FCHSD2: variants seen among roughly 807,000 people sequenced by gnomAD.
The protein encoded by FCHSD2 is F-BAR and double SH3 domains protein 2.
FCHSD2 carries 38 observed loss-of-function variants against 108.1 expected under a neutral mutation model. The observed-to-expected ratio is 0.35, with a 90% CI of 0.27 to 0.46. FCHSD2 has a LOEUF of 0.46. Ranked by LOEUF, FCHSD2 falls within the 20% of genes least tolerant of loss-of-function variation. FCHSD2 has a pLI of 1.00. For missense variants in FCHSD2, 751 were observed against 897.8 expected, an observed-to-expected ratio of 0.84 and a Z score of 2.09; for synonymous variants, 279 against 314.7, an observed-to-expected ratio of 0.89 and a Z score of 1.20.
intron 8 of FCHSD2, among the ~76,000 whole-genome samples, chr11:72,981,234 C>T (rs1309616049): frequency 6.6e-6 from 1 of 152,098 alleles, no homozygotes; most frequent in Non-Finnish European, 1.5e-5. Context: ...CAGTTTAGTA[C>T]CCCACAATGT....
chr11:73,047,921 G>A (rs1047694437), intron 3 of FCHSD2, among the ~76,000 whole-genome samples: 2 of 152,196 alleles, frequency 1.3e-5, no homozygotes, highest in Non-Finnish European at 2.9e-5. Flanking sequence ...CCAATATGCA[G>A]AGGGGGAAAT....
intron 8 of FCHSD2, among the ~76,000 whole-genome samples, chr11:72,971,677 C>T (rs1857008986): frequency 6.6e-6 from 1 of 152,116 alleles, no homozygotes; most frequent in African/African-American, 2.4e-5. Flanking sequence ...TGCCAACAAC[C>T]TGAATGACCC....
intron 13 of FCHSD2, among the ~76,000 whole-genome samples, chr11:72,867,244 C>T (rs1854747948): frequency 6.6e-6 from 1 of 152,050 alleles, no homozygotes. Context: ...GCAAATCAAC[C>T]GAATTTTTCT....
rs566431974 is a variant in FCHSD2, at chr11:73,044,273, T to C, written c.166-28388A>G. On this transcript the variant is annotated intron_variant, in intron 3 of 19. Transcript: ENST00000409418. Reference sequence around the variant, plus strand: ...CTGAATTCCTCAATTAAAAAAAAACTTATGAATATTTCCAAAGTCAGAGGC... The same window carrying C: ...CTGAATTCCTCAATTAAAAAAAAACCTATGAATATTTCCAAAGTCAGAGGC... Among the ~76,000 whole-genome samples, 29 of 152,264 alleles carry C rather than the reference T, an allele frequency of 1.9e-4. No individual in the cohort carries two copies. In the South Asian group the frequency reaches 6.0e-3, roughly 32 times the overall value.
At chr11:72,901,268 G>A (rs1327840504) in intron 10 of FCHSD2, among the ~76,000 whole-genome samples, 4 of 151,938 alleles carry the variant, frequency 2.6e-5, no homozygotes, top group Admixed American at 6.6e-5. Context: ...ACAGTGGTGC[G>A]TGCCTGTGGC....
chr11:72,921,695 G>A, intron 9 of FCHSD2, 133 bp downstream of exon 9: 1 of 678,060 alleles, frequency 1.5e-6, no homozygotes, highest in Non-Finnish European at 2.5e-6. Context: ...TTGTTAGAAG[G>A]AATGCTGTTA....
At position 73,108,923 on chromosome 11, in the gene FCHSD2, C is replaced by T. The variant is rs1348168322; in HGVS notation, c.120-25183G>A. On this transcript the variant is annotated intron_variant, in intron 2 of 19. Coordinates refer to ENST00000409418, the MANE Select transcript of FCHSD2 (RefSeq NM_014824.3). ...TTTGGTTTTTATATATGGCAAGAGA[C>T]ATGGGTCTGGTTTCATTCTTCTGCA... Among the ~76,000 whole-genome samples, 3 of 152,210 alleles carry T rather than the reference C, an allele frequency of 2.0e-5. No individual in the cohort carries two copies. The East Asian group carries it at 5.8e-4, about 29-fold the overall frequency.
chr11:72,887,991 G>T (rs1855234234), intron 11 of FCHSD2, among the ~76,000 whole-genome samples: 1 of 152,196 alleles, frequency 6.6e-6, no homozygotes, highest in Non-Finnish European at 1.5e-5. Context: ...GTCAAAACAG[G>T]CAAGAGATTA....
chr11:73,075,183 C>T (rs1011222626), intron 3 of FCHSD2, among the ~76,000 whole-genome samples: 3 of 152,140 alleles, frequency 2.0e-5, no homozygotes, highest in African/African-American at 7.2e-5. Flanking sequence ...AAAGCAATAA[C>T]AACTCTCATT....
chr11:73,044,672 C>A (rs944089844), intron 3 of FCHSD2, among the ~76,000 whole-genome samples: 1 of 152,090 alleles, frequency 6.6e-6, no homozygotes, highest in East Asian at 1.9e-4. Context: ...GTGCTAGATA[C>A]AACATTAAAA....
chr11:73,139,231 T>TCATGAA (rs1861190843), intron 2 of FCHSD2, among the ~76,000 whole-genome samples: 1 of 152,218 alleles, frequency 6.6e-6, no homozygotes, highest in Admixed American at 6.5e-5. Context: ...GAAGTTAGTG[T>TCATGAA]ACCACCAGAA....
At chr11:73,062,668 C>G (rs192800451) in intron 3 of FCHSD2, among the ~76,000 whole-genome samples, 1 of 151,874 alleles carries the variant, frequency 6.6e-6, no homozygotes, top group African/African-American at 2.4e-5. Flanking sequence ...CCAAATCGAT[C>G]AAGAGGAAGA....
chr11:73,085,022 C>G (rs1295376015), intron 2 of FCHSD2, among the ~76,000 whole-genome samples: 1 of 150,880 alleles, frequency 6.6e-6, no homozygotes, highest in East Asian at 1.9e-4. Context: ...AAATTCTCAT[C>G]TTAAAAATCA....
intron 3 of FCHSD2, among the ~76,000 whole-genome samples, chr11:73,032,586 A>G (rs1001590453): frequency 7.9e-5 from 11 of 139,420 alleles, no homozygotes; most frequent in South Asian, 6.5e-4. Context: ...TTCCTAACTG[A>G]AAAAAAAAAA....
chr11:72,932,855 A>C (rs1856222332), intron 8 of FCHSD2, among the ~76,000 whole-genome samples: 1 of 152,228 alleles, frequency 6.6e-6, no homozygotes, highest in Non-Finnish European at 1.5e-5. Context: ...TCTGTTCAAC[A>C]AATAATAACA....
chr11:73,076,578 G>A (rs958521588), intron 3 of FCHSD2, among the ~76,000 whole-genome samples: 2 of 152,094 alleles, frequency 1.3e-5, no homozygotes, highest in South Asian at 2.1e-4. Flanking sequence ...GAGATGAACT[G>A]GAATAATGGC....
At chr11:73,137,314 ACACACTAAC>A (rs933105707) in intron 2 of FCHSD2, among the ~76,000 whole-genome samples, 1 of 152,200 alleles carries the variant, frequency 6.6e-6, no homozygotes, top group Non-Finnish European at 1.5e-5. Flanking sequence ...AGATAGAAGA[ACACACTAAC>A]TCCTTTAAAA....
intron 2 of FCHSD2, among the ~76,000 whole-genome samples, chr11:73,132,756 G>A (rs1363411927): frequency 2.0e-5 from 3 of 151,000 alleles, no homozygotes; most frequent in African/African-American, 4.9e-5. Flanking sequence ...CCCAGAAGGT[G>A]GAGATTGCAG....
At chr11:72,928,037 A>C (rs1261514356) in intron 8 of FCHSD2, among the ~76,000 whole-genome samples, 1 of 152,236 alleles carries the variant, frequency 6.6e-6, no homozygotes, top group Non-Finnish European at 1.5e-5. Context: ...AGTGAAGATA[A>C]AGGATAAAGG....
Sources: gnomAD v4.1 joint callset for allele counts (sites outside exome capture counted in the v4.1 genomes callset) on GRCh38, gnomAD v4.1.1 for gene constraint, MANE v1.5 for transcripts, NCBI Gene and HGNC (gene_info 2026-07-23, HGNC 2026-07-21) for gene names.